The following SLC8A1 variants were observed in gnomAD, a reference collection of about 807,000 sequenced individuals.
SLC8A1 encodes sodium/calcium exchanger 1.
In SLC8A1, 18 loss-of-function variants were observed where a neutral mutation model predicts 68.3. The observed-to-expected ratio is 0.26, with a 90% CI of 0.18 to 0.39. The LOEUF (loss-of-function observed/expected upper bound fraction) is 0.39, where lower values mean the gene tolerates loss of function less well. SLC8A1 is among the 10% of genes least tolerant of loss of function. SLC8A1 has a pLI of 1.00. For missense variants in SLC8A1, 985 were observed against 1,156.7 expected (o/e 0.85, Z 2.15); for synonymous variants, 475 against 415.5 (o/e 1.14, Z -1.74).
intron 7 of SLC8A1, among the ~76,000 whole-genome samples, chr2:40,116,253 A>G (rs1406578541): frequency 6.6e-6 from 1 of 152,228 alleles, no homozygotes; most frequent in African/African-American, 2.4e-5. Flanking sequence ...TTAGAGCCTT[A>G]AGAATAAAAA....
Position 40,170,234 on chromosome 2 carries a change from GA to G in SLC8A1, c.1930+4590del, listed in dbSNP as rs747546818. The G allele has an allele frequency of 9.1e-6, 14 of 1,537,130 alleles. No homozygotes were observed. In the African/African-American group the frequency reaches 1.6e-4, roughly 18 times the overall value. The stretch of plus-strand genomic sequence containing the variant: ...TGACTGTAATGTCTCTAACATTAAA[GA>G]ACTCTGGGAGGCTGTGGTTTTCAAG... On this transcript the variant is annotated intron_variant, in intron 4 of 7. Coordinates refer to ENST00000406785, the Ensembl canonical transcript of SLC8A1.
intron 1 of SLC8A1, among the ~76,000 whole-genome samples, chr2:40,448,396 G>A (rs1424252908): frequency 6.6e-6 from 1 of 152,140 alleles, no homozygotes; most frequent in Admixed American, 6.6e-5. Context: ...GAATCTCAAA[G>A]GCAGACGCTG....
intron 2 of SLC8A1, among the ~76,000 whole-genome samples, chr2:40,417,160 AT>A (rs942130761): frequency 6.6e-6 from 1 of 151,898 alleles, no homozygotes; most frequent in African/African-American, 2.4e-5. Context: ...ATTTTTACTT[AT>A]TTTTTTATGT....
rs567522659 is a variant in SLC8A1, at chr2:40,499,431, C to A, written c.-25+12918G>T. Among the ~76,000 whole-genome samples the A allele has an allele frequency of 4.6e-5, 7 of 152,178 alleles. No homozygotes were observed. In the East Asian group the frequency reaches 1.4e-3, roughly 30 times the overall value. On this transcript the variant is annotated intron_variant, in intron 1 of 7. Coordinates refer to the SLC8A1 transcript ENST00000402441. ...GTAAATCACTGAGAAAAGTGTCTGGCACATAGGAATTGCTTTTGTGCCAAC... is the reference window on the plus strand; with the variant it reads ...GTAAATCACTGAGAAAAGTGTCTGGAACATAGGAATTGCTTTTGTGCCAAC...
At chr2:40,369,735 T>C (rs978156047) in intron 2 of SLC8A1, among the ~76,000 whole-genome samples, 2 of 152,140 alleles carry the variant, frequency 1.3e-5, no homozygotes, top group Non-Finnish European at 2.9e-5. Context: ...CTTGTAAATG[T>C]CTTTCCAGTT....
At chr2:40,487,755 C>G (rs575555401) in intron 1 of SLC8A1, among the ~76,000 whole-genome samples, 1 of 152,138 alleles carries the variant, frequency 6.6e-6, no homozygotes, top group Non-Finnish European at 1.5e-5. Context: ...CATTGCGGAA[C>G]CTGCTCACTC....
At chr2:40,315,163 A>G (rs80068953) in intron 2 of SLC8A1, among the ~76,000 whole-genome samples, 1,766 of 151,944 alleles carry the variant, frequency 0.012, 37 homozygotes, top group African/African-American at 0.04. Context: ...AGAAGTTCCC[A>G]CTATTCCTAA....
intron 1 of SLC8A1, among the ~76,000 whole-genome samples, chr2:40,473,606 G>C (rs1704116720): frequency 6.6e-6 from 1 of 152,124 alleles, no homozygotes; most frequent in Non-Finnish European, 1.5e-5. Flanking sequence ...ATAAATATTT[G>C]TTGAACAAAT....
At chr2:40,309,502 C>CTTTTTTTTTTT (rs34863585) in intron 2 of SLC8A1, among the ~76,000 whole-genome samples, 1 of 123,290 alleles carries the variant, frequency 8.1e-6, no homozygotes. Context: ...GAATATTTTA[C>CTTTTTTTTTTT]TTTTTTTTTT....
chr2:40,404,943 G>A (rs1346961122), intron 2 of SLC8A1, among the ~76,000 whole-genome samples: 2 of 152,110 alleles, frequency 1.3e-5, no homozygotes, highest in African/African-American at 4.8e-5. Context: ...GTGGGTAATA[G>A]CAATTATTTC....
chr2:40,347,956 A>T (rs1394123097), intron 2 of SLC8A1, among the ~76,000 whole-genome samples: 1 of 152,220 alleles, frequency 6.6e-6, no homozygotes, highest in Non-Finnish European at 1.5e-5. Flanking sequence ...AATTATAAGC[A>T]ATTTAAATTA....
At chr2:40,431,751 C>T (rs988547824) in intron 1 of SLC8A1, among the ~76,000 whole-genome samples, 16 of 152,176 alleles carry the variant, frequency 1.1e-4, no homozygotes, top group African/African-American at 2.9e-4. Context: ...TTCATAGCTT[C>T]GGGCTGGCTG....
chr2:40,332,315 G>C (rs1387873381), intron 2 of SLC8A1, among the ~76,000 whole-genome samples: 1 of 151,266 alleles, frequency 6.6e-6, no homozygotes, highest in Non-Finnish European at 1.5e-5. Context: ...TCATTAAGTG[G>C]CTTTGAACTT....
chr2:40,408,045 C>A (rs1690925646), intron 2 of SLC8A1, among the ~76,000 whole-genome samples: 1 of 152,122 alleles, frequency 6.6e-6, no homozygotes, highest in African/African-American at 2.4e-5. Flanking sequence ...TATGTTACCC[C>A]CATAACAAGT....
intron 2 of SLC8A1, among the ~76,000 whole-genome samples, chr2:40,239,566 C>T (rs2060922881): frequency 6.6e-6 from 1 of 152,168 alleles, no homozygotes; most frequent in Non-Finnish European, 1.5e-5. Flanking sequence ...GTTTCTGACT[C>T]TCCTCCTCCC....
intron 2 of SLC8A1, among the ~76,000 whole-genome samples, chr2:40,262,285 T>C (rs571817801): frequency 6.6e-6 from 1 of 152,182 alleles, no homozygotes; most frequent in Admixed American, 6.5e-5. Flanking sequence ...ATATTGCCAA[T>C]ATTTATGATA....
intron 2 of SLC8A1, among the ~76,000 whole-genome samples, chr2:40,272,159 C>A (rs2066123567): frequency 6.6e-6 from 1 of 152,202 alleles, no homozygotes; most frequent in African/African-American, 2.4e-5. Flanking sequence ...TGAGCCACTG[C>A]ACCTGGCCAA....
chr2:40,447,846 G>C lies in SLC8A1; in HGVS notation c.-25+4058C>G, dbSNP rs569480187. ...AATGCACTTGCCCTTGATCACAAAA[G>C]CATTTTCTTTGCTTCAGCTGCCAGA... is the stretch of plus-strand genomic sequence containing the variant. On this transcript the variant is annotated intron_variant, in intron 1 of 7. Coordinates refer to ENST00000406785, the Ensembl canonical transcript of SLC8A1. 4.9e-4 allele frequency among the ~76,000 whole-genome samples: 75 copies of C among 152,296 alleles called. 3 individuals are homozygous for C. In the South Asian group the frequency reaches 0.011, roughly 23 times the overall value.
chr2:40,294,592 G>A (rs572020206), intron 2 of SLC8A1, among the ~76,000 whole-genome samples: 1 of 152,134 alleles, frequency 6.6e-6, no homozygotes, highest in African/African-American at 2.4e-5. Context: ...TCCTTACAAA[G>A]GTCTAGAAGA....
Sources: allele counts gnomAD v4.1 joint callset (sites outside exome capture counted in the v4.1 genomes callset), GRCh38; gene constraint gnomAD v4.1.1; transcripts MANE v1.5; gene names NCBI Gene and HGNC (gene_info 2026-07-23, HGNC 2026-07-21).